TTC29: variants seen among roughly 807,000 people sequenced by gnomAD.
TTC29 encodes tetratricopeptide repeat protein 29.
A neutral mutation model predicts 58.1 loss-of-function variants in TTC29; 49 were observed. The observed-to-expected ratio is 0.84, with a 90% CI of 0.67 to 1.07. The LOEUF (loss-of-function observed/expected upper bound fraction) is 1.07. Ranked by LOEUF, TTC29 falls within the 50% of genes least tolerant of loss-of-function variation. The pLI, the probability that TTC29 is intolerant of heterozygous loss-of-function variation, is 0.00. For synonymous variants in TTC29, 209 were observed against 196.8 expected, an observed-to-expected ratio of 1.06 and a Z score of -0.52; for missense variants, 582 against 555.6, an observed-to-expected ratio of 1.05 and a Z score of -0.48.
intron 11 of TTC29, among the ~76,000 whole-genome samples, chr4:146,741,676 T>C (rs1745162409): frequency 6.6e-6 from 1 of 152,122 alleles, no homozygotes; most frequent in Non-Finnish European, 1.5e-5. Context: ...TTCCCAAGAA[T>C]CTCTGGCCAT....
At chr4:146,914,472 A>C (rs911595149) in intron 4 of TTC29, among the ~76,000 whole-genome samples, 2 of 152,188 alleles carry the variant, frequency 1.3e-5, no homozygotes, top group East Asian at 3.8e-4. Context: ...ATCTTCTTGA[A>C]CTGATGCCAT....
At chr4:146,936,575 T>C (rs1346600912) in intron 4 of TTC29, among the ~76,000 whole-genome samples, 1 of 152,092 alleles carries the variant, frequency 6.6e-6, no homozygotes, top group Admixed American at 6.5e-5. Context: ...TACATGGTAG[T>C]CTATAGAGCT....
At chr4:146,943,852 T>A (rs558535645) in intron 2 of TTC29, among the ~76,000 whole-genome samples, 1 of 152,294 alleles carries the variant, frequency 6.6e-6, no homozygotes, top group South Asian at 2.1e-4. Flanking sequence ...CTGGTGTTGG[T>A]CAGACAGCAT....
At chr4:146,841,258 T>A (rs566690186) in intron 8 of TTC29, among the ~76,000 whole-genome samples, 77 of 152,184 alleles carry the variant, frequency 5.1e-4, no homozygotes, top group Middle Eastern at 3.4e-3. Flanking sequence ...TTATTCCAAG[T>A]TTTCAAGATT....
At chr4:146,748,317 A>G (rs1745700079) in intron 11 of TTC29, among the ~76,000 whole-genome samples, 1 of 152,160 alleles carries the variant, frequency 6.6e-6, no homozygotes, top group African/African-American at 2.4e-5. Context: ...TAATGTGAGA[A>G]CTACATCCAC....
chr4:146,927,072 C>A (rs1210048679), intron 4 of TTC29, among the ~76,000 whole-genome samples: 1 of 124,236 alleles, frequency 8.0e-6, no homozygotes, highest in Non-Finnish European at 1.6e-5. Context: ...CAGAGCAAGA[C>A]CCCATCTCAA....
At chr4:146,767,503 A>C (rs928418821) in intron 11 of TTC29, among the ~76,000 whole-genome samples, 1 of 151,992 alleles carries the variant, frequency 6.6e-6, no homozygotes, top group Admixed American at 6.6e-5. Flanking sequence ...AAATGCCTTA[A>C]TTTAGTGGAA....
chr4:146,769,257 T>C (rs968609973), intron 11 of TTC29, among the ~76,000 whole-genome samples: 1 of 152,008 alleles, frequency 6.6e-6, no homozygotes, highest in Non-Finnish European at 1.5e-5. Context: ...GCTGTAGTGA[T>C]TGCGAATATT....
chr4:146,792,725 T>G (rs1017250156), intron 11 of TTC29, among the ~76,000 whole-genome samples: 9 of 152,212 alleles, frequency 5.9e-5, no homozygotes, highest in African/African-American at 1.9e-4. Context: ...GGCTTTAGCT[T>G]CCATAGGTAG....
intron 11 of TTC29, among the ~76,000 whole-genome samples, chr4:146,802,761 A>G (rs1359909321): frequency 3.3e-5 from 5 of 152,228 alleles, no homozygotes; most frequent in Admixed American, 1.3e-4. Flanking sequence ...GCACACAAAT[A>G]AAAGAACTCT....
intron 11 of TTC29, among the ~76,000 whole-genome samples, chr4:146,790,923 G>A (rs1186595722): frequency 6.6e-6 from 1 of 152,162 alleles, no homozygotes; most frequent in Non-Finnish European, 1.5e-5. Context: ...TTGTTACATA[G>A]CTTTAGTATA....
At chr4:146,789,472 T>C (rs1424126653) in intron 11 of TTC29, among the ~76,000 whole-genome samples, 1 of 152,232 alleles carries the variant, frequency 6.6e-6, no homozygotes, top group African/African-American at 2.4e-5. Flanking sequence ...GTCCTTGAGT[T>C]GCACCTTGAG....
chr4:146,708,308 T>TTATATATATATATATA (rs59963230), intron 11 of TTC29, among the ~76,000 whole-genome samples: 2 of 62,220 alleles, frequency 3.2e-5, no homozygotes, highest in African/African-American at 9.3e-5. Flanking sequence ...TATGGGAAGT[T>TTATATATATATATATA]TATATATATA....
chr4:146,715,228 A>T (rs1742843982), intron 11 of TTC29, among the ~76,000 whole-genome samples: 1 of 152,172 alleles, frequency 6.6e-6, no homozygotes, highest in African/African-American at 2.4e-5. Flanking sequence ...TAAAACTAGA[A>T]CTATCATGCA....
intron 11 of TTC29, among the ~76,000 whole-genome samples, chr4:146,793,545 T>C (rs1048321242): frequency 2.0e-5 from 3 of 152,184 alleles, no homozygotes; most frequent in Non-Finnish European, 4.4e-5. Flanking sequence ...ATAACTTTTA[T>C]ATGTACTAAG....
rs1311876074 is a variant in TTC29 at position 146,728,802 on chromosome 4, TACAC to T, written c.1331-21255_1331-21252del. 2.0e-3 allele frequency among the ~76,000 whole-genome samples: 249 copies of T among 125,552 alleles called. 20 individuals carry two copies. In the Middle Eastern group the frequency reaches 0.021, roughly 11 times the overall value. The allele number at this position is 125,552 out of a possible 152,430, so 82.4% of individuals were successfully genotyped here. On this transcript the variant is annotated intron_variant, in intron 11 of 12. Transcript: ENST00000325106. ...ATATATGTGTATATATACGTATATA[TACAC>T]ATATATATGTGTATATATACATATA...
At chr4:146,934,705 G>C (rs1028895875) in intron 4 of TTC29, among the ~76,000 whole-genome samples, 1 of 152,152 alleles carries the variant, frequency 6.6e-6, no homozygotes, top group Non-Finnish European at 1.5e-5. Flanking sequence ...AGACTGAAGT[G>C]CTCCAGTGTG....
At chr4:146,744,263 G>A (rs1745373879) in intron 11 of TTC29, among the ~76,000 whole-genome samples, 1 of 152,034 alleles carries the variant, frequency 6.6e-6, no homozygotes, top group African/African-American at 2.4e-5. Flanking sequence ...CAGGCACAGT[G>A]GCTCATGACT....
chr4:146,797,870 T>C (rs1221387344), intron 11 of TTC29, among the ~76,000 whole-genome samples: 1 of 136,708 alleles, frequency 7.3e-6, no homozygotes, highest in Non-Finnish European at 1.6e-5. Context: ...ATTCGTTCTC[T>C]CTTCTTTTCC....
Sources: gnomAD v4.1 joint callset for allele counts (sites outside exome capture counted in the v4.1 genomes callset) on GRCh38, gnomAD v4.1.1 for gene constraint, MANE v1.5 for transcripts, NCBI Gene and HGNC (gene_info 2026-07-23, HGNC 2026-07-21) for gene names.